The following DRICH1 variants were observed in gnomAD, a reference collection of about 807,000 sequenced individuals.
DRICH1 encodes aspartate rich 1.
A neutral mutation model predicts 39.5 loss-of-function variants in DRICH1; 38 were observed. The ratio of observed to expected loss-of-function variants is 0.96; its 90% CI spans 0.74 to 1.26. The LOEUF (loss-of-function observed/expected upper bound fraction) is 1.26. Ranked by LOEUF, DRICH1 falls within the 50% of genes most tolerant of loss-of-function variation. The pLI, the probability that DRICH1 is intolerant of heterozygous loss-of-function variation, is 0.00. For synonymous variants in DRICH1, 84 were observed against 99.5 expected (o/e 0.84, Z 0.93); for missense variants, 279 against 270.4 (o/e 1.03, Z -0.22).
intron 1 of DRICH1, among the ~76,000 whole-genome samples, chr22:23,629,861 G>A (rs567618621): frequency 6.6e-6 from 1 of 152,156 alleles, no homozygotes; most frequent in South Asian, 2.1e-4. Context: ...CAGGTGATCT[G>A]CTGTCTTGGC....
chr22:23,595,726 A>ATGAAG, the DRICH1 span, among the ~76,000 whole-genome samples: 1,429 of 152,024 alleles, frequency 9.4e-3, 21 homozygotes, highest in South Asian at 0.047. Flanking sequence ...CTGTCCATTA[A>ATGAAG]TGAGTGGCCT....
chr22:23,582,041 G>A, the DRICH1 span, among the ~76,000 whole-genome samples: 1 of 137,830 alleles, frequency 7.3e-6, no homozygotes, highest in Non-Finnish European at 1.6e-5. Context: ...GTGCAGTGGC[G>A]CAATCTTAGC....
At chr22:23,596,762 G>C in the DRICH1 span, among the ~76,000 whole-genome samples, 1 of 152,170 alleles carries the variant, frequency 6.6e-6, no homozygotes, top group Non-Finnish European at 1.5e-5. Flanking sequence ...AAATCAATGA[G>C]ATTTGTTTCA....
At position 23,612,466 on chromosome 22, in the gene DRICH1, C is replaced by CAAAAA. The variant is rs1211963554; in HGVS notation, c.685+818_685+822dup. Among the ~76,000 whole-genome samples, 16 of 24,812 alleles carry CAAAAA rather than the reference C, an allele frequency of 6.4e-4. 2 individuals carry two copies. The highest frequency in any genetic ancestry group is 1.1e-3 in the Non-Finnish European group (12 of 10,524). 16.3% of individuals were successfully genotyped at this position (24,812 alleles called of 152,430 possible). On this transcript the variant is annotated intron_variant, in intron 11 of 11. Coordinates refer to ENST00000317749, the MANE Select transcript of DRICH1 (RefSeq NM_016449.4). Reference sequence around the variant, plus strand: ...TGGGTGACAGAGCGAGACTCCATCTCAAAAAAAAAAAAAAAGAAAAAAAAA... The same window carrying CAAAAA: ...TGGGTGACAGAGCGAGACTCCATCTCAAAAAAAAAAAAAAAAAAAAGAAAAAAAAA...
At chr22:23,604,535 G>T (rs539291903), downstream of DRICH1, among the ~76,000 whole-genome samples, 2 of 152,150 alleles carry the variant, frequency 1.3e-5, no homozygotes, top group Non-Finnish European at 2.9e-5. Context: ...TCCTTGCCTA[G>T]AAGTCCCTGC....
intron 5 of DRICH1, among the ~76,000 whole-genome samples, chr22:23,619,600 T>C (rs1375066060): frequency 2.0e-5 from 3 of 152,130 alleles, no homozygotes; most frequent in Non-Finnish European, 4.4e-5. Flanking sequence ...AATGCACACA[T>C]ACAGAGTCAG....
At chr22:23,616,514 C>T (rs1337657956) in intron 8 of DRICH1, among the ~76,000 whole-genome samples, 7 of 152,108 alleles carry the variant, frequency 4.6e-5, no homozygotes, top group Admixed American at 3.9e-4. Context: ...ATTATTAGAC[C>T]CCACTTGAAA....
intron 11 of DRICH1, among the ~76,000 whole-genome samples, chr22:23,612,977 AC>A (rs1927129774): frequency 2.0e-5 from 3 of 152,006 alleles, no homozygotes; most frequent in Admixed American, 2.0e-4. Context: ...TTAGGCCTAT[AC>A]CCCTTGTGCC....
At position 23,622,604 on chromosome 22, in the gene DRICH1, TC is replaced by T. The variant is rs1459074882; in HGVS notation, c.299-429del. Among the ~76,000 whole-genome samples, 524 of 152,338 alleles carry T rather than the reference TC, an allele frequency of 3.4e-3. 7 individuals carry two copies. Among genetic ancestry groups the T allele is most frequent in the African/African-American group, 0.012 (493 of 41,574 alleles). The stretch of plus-strand genomic sequence containing the variant: ...AAAAGATCTATTACTTAATTAAAAG[TC>T]TATTTTATTGGTGAAATGGACTCAA... On this transcript the variant is annotated intron_variant, in intron 3 of 11. Coordinates refer to ENST00000317749, the MANE Select transcript of DRICH1 (RefSeq NM_016449.4).
intron 9 of DRICH1, 104 bp from the exon 10 acceptor site, chr22:23,613,764 A>C: frequency 1.2e-6 from 1 of 846,974 alleles, no homozygotes; most frequent in Admixed American, 2.4e-5. Context: ...AAGGCAGTAT[A>C]GTGATTGAGC....
chr22:23,582,555 C>CTTATTATTATTATTATTA, the DRICH1 span, among the ~76,000 whole-genome samples: 23,130 of 143,606 alleles, frequency 0.16, 2,057 homozygotes, highest in Admixed American at 0.26. Context: ...CCTTCAGGGG[C>CTTATTATTATTATTATTA]TTATTATTAT....
At position 23,622,184 on chromosome 22, in the gene DRICH1, G is replaced by C. The variant is rs767426203; in HGVS notation, c.299-8C>G. The C allele has an allele frequency of 4.7e-5, 75 of 1,612,598 alleles. No homozygotes were observed. The highest frequency in any genetic ancestry group is 2.1e-4 in the African/African-American group (16 of 74,438). On this transcript the variant is annotated splice_polypyrimidine_tract_variant and splice_region_variant and intron_variant, in intron 3 of 11. Coordinates refer to ENST00000317749, the MANE Select transcript of DRICH1 (RefSeq NM_016449.4). The stretch of plus-strand genomic sequence containing the variant: ...GGTTGTCCTCAGAAGAACCTGGAAG[G>C]ACACAGAGGAAAGATCCGTGCCCTG...
chr22:23,585,540 G>A, the DRICH1 span, among the ~76,000 whole-genome samples: 1 of 150,454 alleles, frequency 6.6e-6, no homozygotes. Context: ...TCTTTTTTTT[G>A]AGACAGTCTC....
chr22:23,622,590 TAC>T (rs1319838720), intron 3 of DRICH1, among the ~76,000 whole-genome samples: 1 of 152,192 alleles, frequency 6.6e-6, no homozygotes, highest in African/African-American at 2.4e-5. Context: ...AAAGATCTAT[TAC>T]TTAATTAAAA....
intron 10 of DRICH1, 78 bp downstream of exon 10, chr22:23,613,561 G>A: frequency 8.7e-7 from 1 of 1,150,664 alleles, no homozygotes; most frequent in East Asian, 2.3e-5. Flanking sequence ...TTCCCAGCAG[G>A]ACCCCAGAAT....
intron 2 of DRICH1, among the ~76,000 whole-genome samples, chr22:23,625,650 G>A (rs1303892264): frequency 1.3e-5 from 2 of 152,112 alleles, no homozygotes; most frequent in Admixed American, 6.5e-5. Context: ...TCAATGCAGT[G>A]TGGGCTGCAA....
At chr22:23,624,260 C>T in intron 3 of DRICH1, 10 of 985,380 alleles carry the variant, frequency 1.0e-5, no homozygotes, top group Non-Finnish European at 1.1e-5. Flanking sequence ...GTGTCCCAAA[C>T]CACAGGCTCT....
chr22:23,609,686 C>T (rs1198821591), intron 11 of DRICH1, among the ~76,000 whole-genome samples: 2 of 152,140 alleles, frequency 1.3e-5, no homozygotes, highest in Non-Finnish European at 2.9e-5. Context: ...CTCCCTTCCC[C>T]AAACTCACGG....
chr22:23,625,816 C>A (rs776862778), intron 2 of DRICH1, among the ~76,000 whole-genome samples, 165 bp downstream of exon 2: 1 of 152,086 alleles, frequency 6.6e-6, no homozygotes, highest in East Asian at 1.9e-4. Flanking sequence ...TTGTTGAAAC[C>A]GTTCTGGGTG....
Sources: gnomAD v4.1 joint callset for allele counts (sites outside exome capture counted in the v4.1 genomes callset) on GRCh38, gnomAD v4.1.1 for gene constraint, MANE v1.5 for transcripts, NCBI Gene and HGNC (gene_info 2026-07-23, HGNC 2026-07-21) for gene names.